Variants in RCAN2 observed in about 807,000 individuals in gnomAD.
RCAN2 encodes the protein regulator of calcineurin 2.
Under a neutral mutation model 23.6 loss-of-function variants are expected in RCAN2, and 9 were observed. The ratio of observed to expected loss-of-function variants is 0.38; its 90% confidence interval spans 0.23 to 0.67. The LOEUF (loss-of-function observed/expected upper bound fraction) is 0.67, where lower values mean the gene tolerates loss of function less well. Ranked by LOEUF, RCAN2 falls within the 30% of genes least tolerant of loss-of-function variation. The pLI is 0.51. For synonymous variants in RCAN2, 109 were observed against 115.7 expected (o/e 0.94, Z 0.37); for missense variants, 273 against 302.3 (o/e 0.90, Z 0.72).
chr6:46,478,191 C>A (rs760889858), intron 1 of RCAN2, among the ~76,000 whole-genome samples: 1 of 152,130 alleles, frequency 6.6e-6, no homozygotes, highest in Non-Finnish European at 1.5e-5. Context: ...AAACTGAGGT[C>A]AAAATGTTAC....
At chr6:46,313,277 C>G (rs766400890) in intron 2 of RCAN2, among the ~76,000 whole-genome samples, 6 of 152,198 alleles carry the variant, frequency 3.9e-5, no homozygotes, top group African/African-American at 4.8e-5. Context: ...GTTCTACTCT[C>G]TATGTACTTA....
intron 2 of RCAN2, among the ~76,000 whole-genome samples, chr6:46,348,263 A>T (rs1764547045): frequency 6.6e-6 from 1 of 152,196 alleles, no homozygotes. Flanking sequence ...AAATATCCAC[A>T]TTCAAGGGCA....
intron 2 of RCAN2, among the ~76,000 whole-genome samples, chr6:46,320,066 C>T (rs919571128): frequency 1.1e-4 from 17 of 152,216 alleles, no homozygotes; most frequent in African/African-American, 3.9e-4. Flanking sequence ...TTTACCATTT[C>T]TGAGGATTAA....
chr6:46,488,274 CT>C (rs1326711105), intron 1 of RCAN2, among the ~76,000 whole-genome samples: 1 of 152,208 alleles, frequency 6.6e-6, no homozygotes, highest in African/African-American at 2.4e-5. Context: ...CTCTCTTTGC[CT>C]TGGTTTTCTT....
In RCAN2 at chr6:46,326,648, T is replaced by C. The variant is rs544939324; in HGVS notation, c.226-77752A>G. ...TTGTTTTTTATTTTATCATTAGTTATACAAGTCCCAGTAGAACTCACTAAC... is the reference window on the plus strand; with the variant it reads ...TTGTTTTTTATTTTATCATTAGTTACACAAGTCCCAGTAGAACTCACTAAC... On this transcript the variant is annotated intron_variant, in intron 2 of 4. Transcript: ENST00000371374. 4.6e-5 allele frequency among the ~76,000 whole-genome samples: 7 copies of C among 152,352 alleles called. No individual in the cohort carries two copies. In the East Asian group the frequency reaches 1.2e-3, roughly 25 times the overall value.
chr6:46,274,036 G>A (rs559722562), intron 2 of RCAN2, among the ~76,000 whole-genome samples: 4 of 152,102 alleles, frequency 2.6e-5, no homozygotes, highest in Non-Finnish European at 5.9e-5. Flanking sequence ...GGTTTACTAT[G>A]GATCACACAG....
chr6:46,379,664 T>C (rs987126475), intron 2 of RCAN2, among the ~76,000 whole-genome samples: 20 of 152,216 alleles, frequency 1.3e-4, no homozygotes, highest in African/African-American at 3.9e-4. Flanking sequence ...GCCTGATTCA[T>C]TATTAAATAA....
At chr6:46,415,871 T>A (rs1766698726) in intron 2 of RCAN2, among the ~76,000 whole-genome samples, 1 of 152,194 alleles carries the variant, frequency 6.6e-6, no homozygotes, top group South Asian at 2.1e-4. Context: ...AATACTAAAA[T>A]CCATGGATAC....
At chr6:46,416,997 T>C (rs945679845) in intron 2 of RCAN2, among the ~76,000 whole-genome samples, 4 of 152,226 alleles carry the variant, frequency 2.6e-5, no homozygotes, top group East Asian at 3.8e-4. Context: ...TTTTAAACCA[T>C]TCTCATATTG....
chr6:46,267,246 T>C (rs1767365054), intron 2 of RCAN2, among the ~76,000 whole-genome samples: 1 of 152,136 alleles, frequency 6.6e-6, no homozygotes, highest in Non-Finnish European at 1.5e-5. Context: ...TTTTAGAAAA[T>C]AACATGGTCA....
At chr6:46,428,974 G>A (rs1582194376) in intron 2 of RCAN2, among the ~76,000 whole-genome samples, 1 of 152,184 alleles carries the variant, frequency 6.6e-6, no homozygotes, top group Non-Finnish European at 1.5e-5. Context: ...TCTAAAACAG[G>A]AATGTAAATA....
chr6:46,252,814 G>T lies in RCAN2; in HGVS notation c.226-3918C>A, dbSNP rs145075614. Among the ~76,000 whole-genome samples, 642 of 152,226 alleles carry T rather than the reference G, an allele frequency of 4.2e-3. 6 individuals are homozygous for T. Among genetic ancestry groups the T allele is most frequent in the African/African-American group, 0.015 (605 of 41,526 alleles). Reference sequence around the variant, plus strand: ...TGCACCAAGTTGTTTTGACTGAAGGGTATGAAGAAAAACTGGCCTCATCCA... The same window carrying T: ...TGCACCAAGTTGTTTTGACTGAAGGTTATGAAGAAAAACTGGCCTCATCCA... On this transcript the variant is annotated intron_variant, in intron 2 of 4. Coordinates refer to ENST00000371374, the MANE Select transcript of RCAN2 (RefSeq NM_001251974.2).
intron 2 of RCAN2, among the ~76,000 whole-genome samples, chr6:46,428,622 C>T (rs1767100785): frequency 1.3e-5 from 2 of 152,204 alleles, no homozygotes; most frequent in Admixed American, 6.5e-5. Context: ...ATTCAGGGCC[C>T]AGGACAGAGG....
chr6:46,310,446 T>C (rs1763218903), intron 2 of RCAN2, among the ~76,000 whole-genome samples: 1 of 152,148 alleles, frequency 6.6e-6, no homozygotes, highest in Non-Finnish European at 1.5e-5. Flanking sequence ...GACCTTCTAT[T>C]CTACAACACA....
chr6:46,386,666 A>G (rs113463202), intron 2 of RCAN2, among the ~76,000 whole-genome samples: 551 of 151,846 alleles, frequency 3.6e-3, no homozygotes, highest in Middle Eastern at 6.8e-3. Flanking sequence ...ATCTCACGCT[A>G]TCATGCCAGT....
chr6:46,446,855 A>T (rs1003881569), intron 2 of RCAN2, among the ~76,000 whole-genome samples: 1 of 152,182 alleles, frequency 6.6e-6, no homozygotes, highest in Non-Finnish European at 1.5e-5. Flanking sequence ...AAAAGTAAGG[A>T]ATCAAAGCAT....
At position 46,262,639 on chromosome 6, in the gene RCAN2, T is replaced by G. The variant is rs146808325; in HGVS notation, c.226-13743A>C. On this transcript the variant is annotated intron_variant, in intron 2 of 4. Coordinates refer to ENST00000371374, the MANE Select transcript of RCAN2 (RefSeq NM_001251974.2). ...AAAGCAAAAGAGAAAATTCTGATTATACCATTCCTCTATAAAATTCTTTAG... is the reference window on the plus strand; with the variant it reads ...AAAGCAAAAGAGAAAATTCTGATTAGACCATTCCTCTATAAAATTCTTTAG... 1.1e-3 allele frequency among the ~76,000 whole-genome samples: 149 copies of G among 139,024 alleles called. No individual in the cohort carries two copies. In the Middle Eastern group the frequency reaches 0.011, roughly 10 times the overall value. The allele number at this position is 139,024 out of a possible 152,430, so 91.2% of individuals were successfully genotyped here. A position where few individuals can be genotyped will look rare whatever the true frequency, so the allele number is the denominator to read the frequency against.
intron 2 of RCAN2, among the ~76,000 whole-genome samples, chr6:46,346,258 C>G (rs1469344120): frequency 6.6e-6 from 1 of 152,008 alleles, no homozygotes; most frequent in East Asian, 1.9e-4. Flanking sequence ...TTTATAGCTT[C>G]AAATCTCTAT....
At chr6:46,259,907 T>C (rs1213169476) in intron 2 of RCAN2, among the ~76,000 whole-genome samples, 2 of 152,216 alleles carry the variant, frequency 1.3e-5, no homozygotes, top group African/African-American at 2.4e-5. Flanking sequence ...AAGAGATGCA[T>C]AGAGCAAGGT....
Sources: gnomAD v4.1 joint callset for allele counts (sites outside exome capture counted in the v4.1 genomes callset) on GRCh38, gnomAD v4.1.1 for gene constraint, MANE v1.5 for transcripts, NCBI Gene and HGNC (gene_info 2026-07-23, HGNC 2026-07-21) for gene names.